Variants in RANBP17 observed in about 807,000 individuals in gnomAD.
The protein encoded by RANBP17 is ran-binding protein 17.
RANBP17 carries 158 observed loss-of-function variants against 141.2 expected under a neutral mutation model. The observed-to-expected ratio is 1.12, with a 90% CI of 0.98 to 1.28. RANBP17 has a LOEUF of 1.28. Among genes scored for constraint, RANBP17 ranks in the 50% most tolerant of loss-of-function variants. RANBP17 has a pLI of 0.00. For missense variants in RANBP17, 1,438 were observed against 1,290.7 expected (o/e 1.11, Z -1.75); for synonymous variants, 430 against 450.0 (o/e 0.96, Z 0.56).
intron 14 of RANBP17, among the ~76,000 whole-genome samples, chr5:171,135,515 A>G (rs1757214922): frequency 6.6e-6 from 1 of 152,140 alleles, no homozygotes; most frequent in Non-Finnish European, 1.5e-5. Context: ...CTATTTCTGT[A>G]TTCCTGCGTA....
rs778811595 is a variant in RANBP17, at chr5:170,919,406, A to C, written c.1102-35A>C. On this transcript the variant is annotated intron_variant, in intron 10 of 27. Transcript: ENST00000523189. ...GTAATTCTTATTGTAGGAAGATGTA[A>C]TATTTTAAATAACTTCTGCTTTATT... The C allele has an allele frequency of 3.6e-6, 5 of 1,374,976 alleles. No homozygotes were observed. The African/African-American group carries it at 7.3e-5, about 20-fold the overall frequency. The allele number at this position is 1,374,976 out of a possible 1,614,324, so 85.2% of individuals were successfully genotyped here.
intron 5 of RANBP17, among the ~76,000 whole-genome samples, chr5:170,898,835 T>C (rs1770366479): frequency 6.6e-6 from 1 of 152,202 alleles, no homozygotes; most frequent in African/African-American, 2.4e-5. Context: ...GTTGTAGATG[T>C]AGAGCATTAT....
chr5:170,943,626 T>A (rs1774515961), intron 12 of RANBP17, among the ~76,000 whole-genome samples: 1 of 152,154 alleles, frequency 6.6e-6, no homozygotes, highest in Non-Finnish European at 1.5e-5. Context: ...AGTATTATTA[T>A]AAAATGAGAT....
intron 14 of RANBP17, among the ~76,000 whole-genome samples, chr5:171,038,823 G>A (rs1379593195): frequency 6.6e-6 from 1 of 152,112 alleles, no homozygotes; most frequent in Non-Finnish European, 1.5e-5. Context: ...ACTTGTTCCT[G>A]GTGAATTAAT....
intron 14 of RANBP17, among the ~76,000 whole-genome samples, chr5:171,116,777 G>T (rs975886445): frequency 1.3e-5 from 2 of 152,128 alleles, no homozygotes; most frequent in Non-Finnish European, 2.9e-5. Flanking sequence ...AATTTTGCGT[G>T]TGTGTGTTTT....
At chr5:170,918,596 CAG>C (rs1168935707) in intron 9 of RANBP17, 115 bp from the exon 10 acceptor site, 9 of 677,602 alleles carry the variant, frequency 1.3e-5, no homozygotes, top group Non-Finnish European at 2.0e-5. Context: ...CCAATTGACA[CAG>C]AGTATTTTAA....
chr5:170,945,601 C>CT (rs550120151), intron 12 of RANBP17, among the ~76,000 whole-genome samples: 8 of 152,082 alleles, frequency 5.3e-5, no homozygotes, highest in East Asian at 1.9e-4. Flanking sequence ...TACTGCTTCC[C>CT]TTTTTTTAAA....
At chr5:170,888,960 CTA>C (rs1463335456) in intron 3 of RANBP17, among the ~76,000 whole-genome samples, 2 of 152,018 alleles carry the variant, frequency 1.3e-5, no homozygotes, top group Non-Finnish European at 2.9e-5. Context: ...TTTTCTGCAT[CTA>C]TTTATGTTAT....
intron 14 of RANBP17, among the ~76,000 whole-genome samples, chr5:171,069,006 G>T (rs866357413): frequency 1.3e-5 from 2 of 150,524 alleles, no homozygotes; most frequent in African/African-American, 5.0e-5. Context: ...TCCTTGTCAT[G>T]TGTGGTCACT....
At chr5:171,291,531 G>C (rs916740512) in intron 25 of RANBP17, among the ~76,000 whole-genome samples, 1 of 152,162 alleles carries the variant, frequency 6.6e-6, no homozygotes, top group Admixed American at 6.5e-5. Context: ...GGGTGGTGCA[G>C]AATTGCCAAG....
intron 14 of RANBP17, among the ~76,000 whole-genome samples, chr5:171,148,739 T>C (rs1054810900): frequency 4.6e-5 from 7 of 152,170 alleles, no homozygotes; most frequent in African/African-American, 1.4e-4. Flanking sequence ...TGTGACTCAA[T>C]AGACACATAA....
At chr5:170,934,633 C>A (rs939628388) in intron 12 of RANBP17, among the ~76,000 whole-genome samples, 1 of 152,136 alleles carries the variant, frequency 6.6e-6, no homozygotes, top group Admixed American at 6.5e-5. Flanking sequence ...AATATTGGCC[C>A]CCACTCTCTT....
At chr5:170,880,665 G>C (rs1768583488) in intron 2 of RANBP17, among the ~76,000 whole-genome samples, 1 of 152,180 alleles carries the variant, frequency 6.6e-6, no homozygotes, top group African/African-American at 2.4e-5. Flanking sequence ...TTGTCAGCAT[G>C]TATTGTATTC....
intron 14 of RANBP17, among the ~76,000 whole-genome samples, chr5:171,003,074 G>A (rs917639813): frequency 3.3e-5 from 5 of 152,200 alleles, no homozygotes; most frequent in African/African-American, 7.2e-5. Context: ...GAGGGCCTCT[G>A]AAAGTATTAG....
chr5:170,984,283 C>G (rs1252692449), intron 14 of RANBP17, among the ~76,000 whole-genome samples: 2 of 152,064 alleles, frequency 1.3e-5, no homozygotes, highest in Non-Finnish European at 2.9e-5. Flanking sequence ...AGTTTAGTAA[C>G]ATATAATTAA....
At chr5:171,008,362 A>G (rs1008934595) in intron 14 of RANBP17, among the ~76,000 whole-genome samples, 5 of 152,256 alleles carry the variant, frequency 3.3e-5, no homozygotes, top group East Asian at 1.9e-4. Context: ...GGGTGAGGAC[A>G]GGGGACTGGT....
At chr5:170,953,814 A>G (rs1234362207) in intron 13 of RANBP17, 112 bp downstream of exon 13, 7 of 677,404 alleles carry the variant, frequency 1.0e-5, no homozygotes, top group Non-Finnish European at 1.8e-5. Flanking sequence ...TGAGGAAGGT[A>G]TTATTTCCCT....
intron 14 of RANBP17, among the ~76,000 whole-genome samples, chr5:170,997,319 G>A (rs1433606075): frequency 2.0e-5 from 3 of 152,146 alleles, no homozygotes; most frequent in African/African-American, 7.2e-5. Context: ...CTAATACACG[G>A]AGTGGAGGGC....
chr5:171,233,499 A>C (rs1412733911), intron 22 of RANBP17, among the ~76,000 whole-genome samples: 2 of 152,142 alleles, frequency 1.3e-5, no homozygotes, highest in Non-Finnish European at 2.9e-5. Flanking sequence ...GATTTTTTTC[A>C]ATAGGTGAGT....
Sources: allele counts gnomAD v4.1 joint callset (sites outside exome capture counted in the v4.1 genomes callset), GRCh38; gene constraint gnomAD v4.1.1; transcripts MANE v1.5; gene names NCBI Gene and HGNC (gene_info 2026-07-23, HGNC 2026-07-21).